ESRRG: variants seen among roughly 807,000 people sequenced by gnomAD.
The protein encoded by ESRRG is estrogen related receptor gamma.
A neutral mutation model predicts 44.0 loss-of-function variants in ESRRG; 13 were observed. The ratio of observed to expected loss-of-function variants is 0.30; its 90% CI spans 0.19 to 0.47. The LOEUF (loss-of-function observed/expected upper bound fraction) is 0.47. Ranked by LOEUF, ESRRG falls within the 20% of genes least tolerant of loss-of-function variation. The pLI, the probability that ESRRG is intolerant of heterozygous loss-of-function variation, is 1.00. For synonymous variants in ESRRG, 215 were observed against 214.6 expected (o/e 1.00, Z -0.02); for missense variants, 395 against 580.6 (o/e 0.68, Z 3.29).
chr1:217,061,069 C>A (rs2088360205), intron 1 of ESRRG, among the ~76,000 whole-genome samples: 1 of 150,984 alleles, frequency 6.6e-6, no homozygotes, highest in Non-Finnish European at 1.5e-5. Flanking sequence ...TGCTTTTTTC[C>A]CCCCAAAAAA....
At chr1:216,908,515 G>T (rs776707857) in intron 2 of ESRRG, among the ~76,000 whole-genome samples, 7 of 152,130 alleles carry the variant, frequency 4.6e-5, no homozygotes, top group Admixed American at 6.6e-5. Context: ...CAGCAAATTT[G>T]CAGGACCATA....
At chr1:216,541,604 GTGTA>G (rs1395925384) in intron 5 of ESRRG, among the ~76,000 whole-genome samples, 1,955 of 135,422 alleles carry the variant, frequency 0.014, 73 homozygotes, top group African/African-American at 0.061. Context: ...GTGTGTGTGT[GTGTA>G]TGTGATCAGC....
intron 2 of ESRRG, among the ~76,000 whole-genome samples, chr1:216,764,430 G>T (rs2092964592): frequency 6.6e-6 from 1 of 151,900 alleles, no homozygotes; most frequent in South Asian, 2.1e-4. Flanking sequence ...CACCATGCCT[G>T]GCTAATTTTT....
chr1:217,114,317 C>A (rs938592045), intron 1 of ESRRG, among the ~76,000 whole-genome samples: 3 of 151,900 alleles, frequency 2.0e-5, no homozygotes, highest in African/African-American at 4.8e-5. Flanking sequence ...GTACAGAGGG[C>A]AGTACCAGCA....
In ESRRG at chr1:217,115,447, C is replaced by T. The variant is rs73103102; in HGVS notation, c.-230+22220G>A. On this transcript the variant is annotated intron_variant, in intron 1 of 8. Transcript: ENST00000366940. ...GCACCCTACAGGGCCCTATATGATCCGTAAACATTTCCCCTACCCACCCAA... is the reference window on the plus strand; with the variant it reads ...GCACCCTACAGGGCCCTATATGATCTGTAAACATTTCCCCTACCCACCCAA... Among the ~76,000 whole-genome samples, 448 of 152,166 alleles carry T rather than the reference C, an allele frequency of 2.9e-3. 2 individuals carry two copies. The highest frequency in any genetic ancestry group is 0.01 in the African/African-American group (428 of 41,542).
At chr1:216,932,106 A>T (rs1391441593) in intron 2 of ESRRG, among the ~76,000 whole-genome samples, 1 of 152,162 alleles carries the variant, frequency 6.6e-6, no homozygotes, top group African/African-American at 2.4e-5. Flanking sequence ...CAGGAGGCTG[A>T]GGCAGGAAAA....
At chr1:216,874,136 T>C (rs1003110927) in intron 2 of ESRRG, among the ~76,000 whole-genome samples, 8 of 152,040 alleles carry the variant, frequency 5.3e-5, no homozygotes, top group African/African-American at 1.9e-4. Context: ...CCTCTCCCTG[T>C]CCACTTCTGG....
chr1:217,075,527 T>G (rs2091164175), intron 1 of ESRRG, among the ~76,000 whole-genome samples: 1 of 152,192 alleles, frequency 6.6e-6, no homozygotes, highest in South Asian at 2.1e-4. Context: ...ATATTTTTAT[T>G]ATATTTTACC....
At chr1:217,087,563 A>C (rs2092153181) in intron 1 of ESRRG, among the ~76,000 whole-genome samples, 1 of 152,098 alleles carries the variant, frequency 6.6e-6, no homozygotes, top group Non-Finnish European at 1.5e-5. Context: ...TCCCCAGGCA[A>C]TTCCCGGTAA....
intron 2 of ESRRG, among the ~76,000 whole-genome samples, chr1:216,845,019 A>C (rs2095718523): frequency 6.6e-6 from 1 of 151,740 alleles, no homozygotes; most frequent in Non-Finnish European, 1.5e-5. Context: ...ACCCCAGATG[A>C]CTCTTATTTA....
intron 1 of ESRRG, among the ~76,000 whole-genome samples, chr1:217,005,784 T>G (rs774328925): frequency 4.0e-5 from 6 of 151,860 alleles, no homozygotes; most frequent in Non-Finnish European, 8.9e-5. Context: ...AAATTCTCTC[T>G]TCTTTTTTTC....
At chr1:216,793,082 C>T (rs1295873158) in intron 2 of ESRRG, among the ~76,000 whole-genome samples, 3 of 152,106 alleles carry the variant, frequency 2.0e-5, no homozygotes, top group African/African-American at 7.2e-5. Context: ...CATATTTATC[C>T]TCTATGTCCA....
At chr1:216,782,727 C>T (rs1472803802) in intron 2 of ESRRG, among the ~76,000 whole-genome samples, 2 of 151,952 alleles carry the variant, frequency 1.3e-5, no homozygotes, top group Non-Finnish European at 2.9e-5. Flanking sequence ...TTAATGAAAG[C>T]CCACTGTGAG....
At chr1:217,126,360 T>C (rs1489723533) in intron 1 of ESRRG, among the ~76,000 whole-genome samples, 1 of 152,148 alleles carries the variant, frequency 6.6e-6, no homozygotes, top group Non-Finnish European at 1.5e-5. Flanking sequence ...TTCTATAATA[T>C]TAAACAAATT....
rs879478082 is a variant in ESRRG, at chr1:216,991,602, G to GGGATGGGATGGGATA, written c.-105-51944_-105-51930dup. On this transcript the variant is annotated intron_variant, in intron 1 of 7. Transcript: ENST00000359162. The stretch of plus-strand genomic sequence containing the variant: ...AGGATAGGCTGGGATGGGATAGCAT[G>GGGATGGGATGGGATA]GGATGGGATGGGATAGGATGGGATG... Among the ~76,000 whole-genome samples, 3 of 120,568 alleles carry GGGATGGGATGGGATA rather than the reference G, an allele frequency of 2.5e-5. No homozygotes were observed. In the South Asian group the frequency reaches 7.8e-4, roughly 31 times the overall value. 79.1% of individuals were successfully genotyped at this position (120,568 alleles called of 152,430 possible).
At chr1:217,055,152 C>A (rs2086824813) in intron 1 of ESRRG, among the ~76,000 whole-genome samples, 1 of 152,180 alleles carries the variant, frequency 6.6e-6, no homozygotes. Context: ...TGCTTACAAA[C>A]CACCAATAGC....
At chr1:216,759,600 C>T (rs17681327) in intron 2 of ESRRG, among the ~76,000 whole-genome samples, 1 of 152,086 alleles carries the variant, frequency 6.6e-6, no homozygotes, top group Non-Finnish European at 1.5e-5. Flanking sequence ...ATCTGAAGCT[C>T]CTTACATAGT....
chr1:216,652,491 G>A (rs2069245880), intron 2 of ESRRG, among the ~76,000 whole-genome samples: 1 of 151,794 alleles, frequency 6.6e-6, no homozygotes, highest in South Asian at 2.1e-4. Flanking sequence ...TGCATGACTT[G>A]AAAAAAACAC....
chr1:216,978,446 C>T (rs1038467086), intron 1 of ESRRG, among the ~76,000 whole-genome samples: 5 of 152,294 alleles, frequency 3.3e-5, no homozygotes, highest in Non-Finnish European at 7.3e-5. Context: ...CTAAAACCCA[C>T]ATCTAGTAAC....
Sources: gnomAD v4.1 joint callset for allele counts (sites outside exome capture counted in the v4.1 genomes callset) on GRCh38, gnomAD v4.1.1 for gene constraint, MANE v1.5 for transcripts, NCBI Gene and HGNC (gene_info 2026-07-23, HGNC 2026-07-21) for gene names.